The following SLC4A10 variants were observed in gnomAD, a reference collection of about 807,000 sequenced individuals.
SLC4A10 encodes the protein sodium-driven chloride bicarbonate exchanger.
A neutral mutation model predicts 137.7 loss-of-function variants in SLC4A10; 42 were observed. The ratio of observed to expected loss-of-function variants is 0.30; its 90% CI spans 0.24 to 0.39. The LOEUF (loss-of-function observed/expected upper bound fraction) is 0.39, where lower values mean the gene tolerates loss of function less well. SLC4A10 is among the 10% of genes least tolerant of loss of function. The probability of loss-of-function intolerance (pLI) is 1.00; values close to 1 mark genes in which losing one functional copy is unlikely to be tolerated. For synonymous variants in SLC4A10, 474 were observed against 464.1 expected, an observed-to-expected ratio of 1.02 and a Z score of -0.27; for missense variants, 925 against 1,355.0, an observed-to-expected ratio of 0.68 and a Z score of 4.98.
chr2:161,781,501 T>C (rs557587160), intron 2 of SLC4A10, among the ~76,000 whole-genome samples: 66 of 152,136 alleles, frequency 4.3e-4, no homozygotes, highest in African/African-American at 1.4e-3. Context: ...TTAAAATTAT[T>C]TAAATATGAG....
chr2:161,878,418 C>G (rs2061563036), intron 8 of SLC4A10, among the ~76,000 whole-genome samples: 1 of 152,094 alleles, frequency 6.6e-6, no homozygotes, highest in Non-Finnish European at 1.5e-5. Context: ...AGACTTCACC[C>G]TTTATTCTTA....
rs192006936 is a variant in SLC4A10 at position 161,818,025 on chromosome 2, T to C, written c.277+13430T>C. Among the ~76,000 whole-genome samples the C allele has an allele frequency of 4.3e-3, 652 of 152,258 alleles. 5 individuals are homozygous for C. The highest frequency in any genetic ancestry group is 0.041 in the Middle Eastern group (12 of 294). Reference sequence around the variant, plus strand: ...TTTCCAATTCTGTGAAGAAAGTCATTGGTAGCTTGATGGGGATGGTATTGA... The same window carrying C: ...TTTCCAATTCTGTGAAGAAAGTCATCGGTAGCTTGATGGGGATGGTATTGA... On this transcript the variant is annotated intron_variant, in intron 3 of 26. Coordinates refer to ENST00000446997, the MANE Select transcript of SLC4A10 (RefSeq NM_001178015.2).
At chr2:161,858,716 G>C (rs560063632) in intron 5 of SLC4A10, among the ~76,000 whole-genome samples, 22 of 152,272 alleles carry the variant, frequency 1.4e-4, no homozygotes, top group African/African-American at 5.3e-4. Flanking sequence ...TCTCTGCAGT[G>C]TGTGTATACT....
At chr2:161,805,988 G>A (rs534110023) in intron 3 of SLC4A10, among the ~76,000 whole-genome samples, 2 of 152,276 alleles carry the variant, frequency 1.3e-5, no homozygotes, top group African/African-American at 4.8e-5. Context: ...TTTCTGCCTG[G>A]GCATCCAGGC....
intron 23 of SLC4A10, among the ~76,000 whole-genome samples, chr2:161,966,798 C>T (rs1415778137): frequency 6.6e-6 from 1 of 151,478 alleles, no homozygotes; most frequent in Non-Finnish European, 1.5e-5. Context: ...TCTTTTTAGG[C>T]CTTTAGTAAA....
At chr2:161,708,816 C>A (rs1179267203) in intron 1 of SLC4A10, 1 of 1,532,378 alleles carries the variant, frequency 6.5e-7, no homozygotes, top group Non-Finnish European at 8.7e-7. Flanking sequence ...CCTTTTCAAT[C>A]TCTAAGTCAT....
At chr2:161,928,163 A>G (rs1689555422) in intron 15 of SLC4A10, among the ~76,000 whole-genome samples, 1 of 149,660 alleles carries the variant, frequency 6.7e-6, no homozygotes. Flanking sequence ...AAAATGTGGC[A>G]CATATACACC....
chr2:161,723,365 C>T (rs1359438484), intron 1 of SLC4A10, among the ~76,000 whole-genome samples: 2 of 152,094 alleles, frequency 1.3e-5, no homozygotes, highest in East Asian at 1.9e-4. Context: ...CCGTGGGTCA[C>T]GCCAACTGCC....
intron 15 of SLC4A10, among the ~76,000 whole-genome samples, chr2:161,929,746 A>G (rs943877301): frequency 6.6e-5 from 10 of 152,140 alleles, no homozygotes; most frequent in Non-Finnish European, 1.5e-4. Flanking sequence ...AGGATCTTAA[A>G]ACTTTAAAAT....
chr2:161,753,789 C>G (rs2049258537), intron 1 of SLC4A10, among the ~76,000 whole-genome samples: 1 of 152,170 alleles, frequency 6.6e-6, no homozygotes, highest in Admixed American at 6.5e-5. Context: ...TCTTAAAAAG[C>G]AGCCCTTTCA....
intron 15 of SLC4A10, among the ~76,000 whole-genome samples, chr2:161,938,869 A>G (rs954627817): frequency 1.3e-5 from 2 of 151,874 alleles, no homozygotes; most frequent in East Asian, 3.9e-4. Context: ...TATCCTAGGG[A>G]AAAAAAACCC....
At chr2:161,936,714 T>C (rs1488114565) in intron 15 of SLC4A10, among the ~76,000 whole-genome samples, 5 of 152,300 alleles carry the variant, frequency 3.3e-5, no homozygotes, top group East Asian at 1.9e-4. Flanking sequence ...ATTTTGTTAT[T>C]ATTTCAAAAC....
chr2:161,926,386 G>GT (rs1174458600), intron 15 of SLC4A10, among the ~76,000 whole-genome samples: 464 of 22,906 alleles, frequency 0.02, 7 homozygotes, highest in African/African-American at 0.04. Context: ...CCTTTTTTTG[G>GT]TTTTTTTTTT....
chr2:161,886,373 T>G (rs1043860440), intron 10 of SLC4A10, among the ~76,000 whole-genome samples: 1 of 152,190 alleles, frequency 6.6e-6, no homozygotes, highest in Non-Finnish European at 1.5e-5. Context: ...TAGAACAGTA[T>G]GTACTTTTGA....
At chr2:161,672,110 C>A (rs189030414) in intron 1 of SLC4A10, among the ~76,000 whole-genome samples, 1 of 151,998 alleles carries the variant, frequency 6.6e-6, no homozygotes, top group African/African-American at 2.4e-5. Context: ...TACCAAGAAG[C>A]GCAGTTGGGT....
intron 10 of SLC4A10, among the ~76,000 whole-genome samples, chr2:161,893,467 T>A (rs963226125): frequency 6.6e-6 from 1 of 151,886 alleles, no homozygotes; most frequent in Non-Finnish European, 1.5e-5. Context: ...GAGGCCAAGG[T>A]GGAGGATGGT....
intron 15 of SLC4A10, among the ~76,000 whole-genome samples, chr2:161,933,001 A>G (rs373478978): frequency 6.6e-6 from 1 of 152,144 alleles, no homozygotes; most frequent in Non-Finnish European, 1.5e-5. Context: ...GGCTTATTCC[A>G]CTTAACATAA....
chr2:161,818,613 T>C (rs1445562726), intron 3 of SLC4A10, among the ~76,000 whole-genome samples: 1 of 152,136 alleles, frequency 6.6e-6, no homozygotes, highest in Non-Finnish European at 1.5e-5. Context: ...TGGCTGTGGG[T>C]TTGTCATAGA....
At chr2:161,766,120 C>T (rs2050771431) in intron 1 of SLC4A10, among the ~76,000 whole-genome samples, 1 of 152,074 alleles carries the variant, frequency 6.6e-6, no homozygotes, top group African/African-American at 2.4e-5. Context: ...TATGAAGCTT[C>T]AAAATGAGAC....
Sources: gnomAD v4.1 joint callset for allele counts (sites outside exome capture counted in the v4.1 genomes callset) on GRCh38, gnomAD v4.1.1 for gene constraint, MANE v1.5 for transcripts, NCBI Gene and HGNC (gene_info 2026-07-23, HGNC 2026-07-21) for gene names.